The following IGSF1 variants were observed in gnomAD, a reference collection of about 807,000 sequenced individuals.
IGSF1 encodes the protein immunoglobulin superfamily member 1.
In IGSF1, 40 loss-of-function variants were observed where a neutral mutation model predicts 95.3. The observed-to-expected ratio is 0.42, with a 90% CI of 0.33 to 0.55. The LOEUF is 0.55. Among genes scored for constraint, IGSF1 ranks in the 20% least tolerant of loss-of-function variants. The pLI, the probability that IGSF1 is intolerant of heterozygous loss-of-function variation, is 0.10. For missense variants in IGSF1, 906 were observed against 1,025.4 expected (o/e 0.88, Z 1.59); for synonymous variants, 372 against 382.9 (o/e 0.97, Z 0.33).
Position 131,278,049 on chromosome X carries a change from G to T in IGSF1, c.2127C>A (p.Gly709=). 8.3e-7 allele frequency: 1 copy of T among 1,210,225 alleles called. No homozygotes were observed. The highest frequency in any genetic ancestry group is 1.1e-6 in the Non-Finnish European group (1 of 894,127). The change falls in exon 13 of 20, where the codon GGC becomes GGA. Residue 709 remains glycine (G), a synonymous_variant. Transcript: ENST00000361420. ...CCTCCTTATACAGAGCAAACCCCAT[G>T]CCTGCCAGCCATCCTTTGCACCGGA... ...LQLRCKGWLA[G]MGFALYKEGE...
Position 131,276,434 on chromosome X carries a change from CATTT to C in IGSF1, c.2609-190_2609-187del, listed in dbSNP as rs10528865. On this transcript the variant is annotated intron_variant, in intron 14 of 19. Coordinates refer to ENST00000361420, the MANE Select transcript of IGSF1 (RefSeq NM_001555.5). ...ATAAATATTTTTAATATTTAATTGC[CATTT>C]ATTCTTTCCATATATTCCCATGTCC... is the stretch of plus-strand genomic sequence containing the variant. Among the ~76,000 whole-genome samples, 38,115 of 110,360 alleles carry C rather than the reference CATTT, an allele frequency of 0.35. 5,093 individuals are homozygous for C. Among genetic ancestry groups the C allele is most frequent in the African/African-American group, 0.41 (12,335 of 30,237 alleles).
At position 131,281,831 on chromosome X, in the gene IGSF1, A is replaced by G; in HGVS notation, c.1360T>C (p.Trp454Arg). 1 of 1,210,342 alleles carries G rather than the reference A, an allele frequency of 8.3e-7. No homozygotes were observed. The highest frequency in any genetic ancestry group is 1.1e-6 in the Non-Finnish European group (1 of 894,455). ...TTTTGGAATGTTTCTCTTTCTTCCC[A>G]TTCCAGAGAAAATTCCAGTACTGGA... ...SHPVLEFSLEWEERETFQKFS... is the reference protein window; with the variant it reads ...SHPVLEFSLEREERETFQKFS... The change falls in exon 8 of 20, where the codon TGG (tryptophan) becomes CGG (arginine). Residue 454 changes from tryptophan (W) to arginine (R), a missense_variant. This residue lies in a region of IGSF1 where 442 missense variants were observed against 448.1 expected (regional missense o/e 0.99). Transcript: ENST00000361420.
At chrX:131,277,824 C>G in intron 13 of IGSF1, 32 bp downstream of exon 13, 2 of 1,188,420 alleles carry the variant, frequency 1.7e-6, no homozygotes, top group South Asian at 3.6e-5. Context: ...TCCACCCTGC[C>G]CCCTTTCCTC....
Position 131,281,885 on chromosome X carries a change from C to T in IGSF1, c.1306G>A (p.Ala436Thr), listed in dbSNP as rs192621234. 1.7e-6 allele frequency: 2 copies of T among 1,208,396 alleles called. No homozygotes were observed. The highest frequency in any genetic ancestry group is 1.8e-5 in the African/African-American group (1 of 56,903). The part of the protein sequence containing the change: ...WPSTVFKLGK[A>T]ITLQCRVSHP... Reference sequence around the variant, plus strand: ...GATACTCGGCACTGAAGGGTGATGGCCTTTCCTAGCTTGAACACAGTGCTT... The same window carrying T: ...GATACTCGGCACTGAAGGGTGATGGTCTTTCCTAGCTTGAACACAGTGCTT... The change falls in exon 8 of 20, where the codon GCC becomes ACC. Residue 436 changes from alanine to threonine, a missense_variant. By Grantham distance (58) the Ala-to-Thr change is moderately conservative (BLOSUM62 0). Around this residue, in one of 5 missense-constraint regions of IGSF1, gnomAD observed 442 missense variants for 448.1 expected, o/e 0.99. Transcript: ENST00000361420.
Position 131,276,161 on chromosome X carries a change from A to G in IGSF1, c.2696T>C (p.Phe899Ser). ...CAAGAGGGCGAACCTCATGCCCTGG[A>G]AAGTCCCTTGGCAGCGCAGGATCAC... ...KSVILRCQGTFQGMRFALLQE... is the reference protein window; with the variant it reads ...KSVILRCQGTSQGMRFALLQE... Residue 899 changes from phenylalanine (F) to serine (S), a missense_variant, in exon 15 of 20, where the codon TTC (phenylalanine) becomes TCC (serine). Physicochemically the swap from Phe to Ser is radical, Grantham distance 155. Transcript: ENST00000361420. 1.7e-6 allele frequency: 2 copies of G among 1,210,221 alleles called. No individual in the cohort carries two copies. Among genetic ancestry groups the G allele is most frequent in the Non-Finnish European group, 2.2e-6 (2 of 894,467 alleles).
chrX:131,279,049 C>G (rs753720462), intron 11 of IGSF1, 94 bp downstream of exon 11: 2 of 956,272 alleles, frequency 2.1e-6, no homozygotes, highest in Non-Finnish European at 3.0e-6. Context: ...CCTTCCCTCC[C>G]AACCAGCCAC....
rs1312865529 is a variant in IGSF1, at chrX:131,276,125, G to A, written c.2732C>T (p.Ala911Val). The A allele has an allele frequency of 5.9e-5, 71 of 1,209,119 alleles. No homozygotes were observed. The highest frequency in any genetic ancestry group is 7.7e-5 in the Non-Finnish European group (69 of 894,734). ...GMRFALLQEG[A>V]HVPLQFRSVS... is the part of the protein sequence containing the mutation. ...ACTCCGAAACTGTAAGGGAACATGG[G>A]CTCCCTCCTGCAAGAGGGCGAACCT... Residue 911 changes from alanine (A) to valine (V), a missense_variant, in exon 15 of 20, where the codon GCC (alanine) becomes GTC (valine). Physicochemically the swap from Ala to Val is moderately conservative, Grantham distance 64. This residue lies in a region of IGSF1 where 411 missense variants were observed against 494.9 expected (regional missense o/e 0.83). Transcript: ENST00000361420.
chrX:131,275,218 G>T lies in IGSF1; in HGVS notation c.3253C>A (p.Leu1085Ile). ...PMVAPGENMTLQCQGELPDST... is the reference protein window; with the variant it reads ...PMVAPGENMTIQCQGELPDST... ...TCTGGCAGTTCCCCTTGACACTGAA[G>T]AGTCATATTTTCGCCAGGGGCCACC... Residue 1085 changes from leucine to isoleucine, a missense_variant, in exon 17 of 20, where the codon CTT (leucine) becomes ATT (isoleucine). Around this residue, in one of 5 missense-constraint regions of IGSF1, gnomAD observed 411 missense variants for 494.9 expected, o/e 0.83. Transcript: ENST00000361420. 1 of 1,211,275 alleles carries T rather than the reference G, an allele frequency of 8.3e-7. No homozygotes were observed. The highest frequency in any genetic ancestry group is 3.0e-5 in the East Asian group (1 of 33,830).
chrX:131,283,606 T>C (rs1048515965), intron 5 of IGSF1, among the ~76,000 whole-genome samples: 8 of 112,010 alleles, frequency 7.1e-5, no homozygotes, highest in Non-Finnish European at 1.3e-4. Flanking sequence ...GAAAATAACA[T>C]TGTTTTCATC....
Position 131,279,351 on chromosome X carries a change from C to G in IGSF1, c.1647-10G>C. The G allele has an allele frequency of 8.3e-7, 1 of 1,199,206 alleles. No homozygotes were observed. Among genetic ancestry groups the G allele is most frequent in the Non-Finnish European group, 1.1e-6 (1 of 884,399 alleles). Reference sequence around the variant, plus strand: ...CAGCAACCAGGCTTCTCTAGTGAGACCAGAAAAGAGATGAGAGGAGTTGCT... The same window carrying G: ...CAGCAACCAGGCTTCTCTAGTGAGAGCAGAAAAGAGATGAGAGGAGTTGCT... On this transcript the variant is annotated splice_polypyrimidine_tract_variant and intron_variant, in intron 9 of 19. Transcript: ENST00000361420.
At chrX:131,278,780 C>T (rs2080512589) in intron 11 of IGSF1, 29 bp from the exon 12 acceptor site, 5 of 1,165,267 alleles carry the variant, frequency 4.3e-6, no homozygotes. Flanking sequence ...ATGAAGCCAT[C>T]CTCCCGCCTC....
intron 14 of IGSF1, among the ~76,000 whole-genome samples, chrX:131,276,507 CAGTTGTGT>C (rs1220648542): frequency 1.8e-5 from 2 of 111,664 alleles, no homozygotes; most frequent in African/African-American, 6.5e-5. Context: ...CACTTATGCA[CAGTTGTGT>C]AGTTGTGTAG....
At chrX:131,284,670 A>T in intron 5 of IGSF1, 1 of 750,453 alleles carries the variant, frequency 1.3e-6, no homozygotes, top group Non-Finnish European at 1.6e-6. Flanking sequence ...AACCAAGGTG[A>T]TTTATAAAGC....
At position 131,286,686 on chromosome X, in the gene IGSF1, T is replaced by G. The variant is rs1213386624; in HGVS notation, c.-12A>C. 2 of 1,148,788 alleles carry G rather than the reference T, an allele frequency of 1.7e-6. No individual in the cohort carries two copies. The highest frequency in any genetic ancestry group is 3.1e-5 in the Admixed American group (1 of 32,177). The allele number at this position is 1,148,788 out of a possible 1,213,427, so 94.7% of individuals were successfully genotyped here. ...CTGTCCAGGGTCATGGGGCCTCTGG[T>G]GCTGGCTGTGTGCTCTGAGTCTTGA... On this transcript the variant is annotated 5_prime_UTR_variant, in exon 2 of 20. Transcript: ENST00000361420.
intron 10 of IGSF1, 42 bp from the exon 11 acceptor site, chrX:131,279,217 C>G (rs751056666): frequency 6.6e-6 from 8 of 1,207,685 alleles, no homozygotes; most frequent in African/African-American, 3.5e-5. Flanking sequence ...CCCTCCCCCA[C>G]CGGGACTTCA....
Position 131,285,993 on chromosome X carries a change from C to G in IGSF1, c.153G>C (p.Trp51Cys), listed in dbSNP as rs143455309. 1.7e-6 allele frequency: 2 copies of G among 1,208,041 alleles called. No individual in the cohort carries two copies. Among genetic ancestry groups the G allele is most frequent in the African/African-American group, 3.5e-5 (2 of 56,955 alleles). The change falls in exon 4 of 20, where the codon TGG (tryptophan) becomes TGC (cysteine). Residue 51 changes from tryptophan (W) to cysteine (C), a missense_variant. Transcript: ENST00000361420. ...TTCGGCACCAAAGCGTGATGTTCTC[C>G]CAAGGGGCCTGGGGGTAGTTGGACT... ...WIESNYPQAP[W>C]ENITLWCRSP... is the part of the protein sequence containing the mutation.
In IGSF1 at chrX:131,286,058, C is replaced by A; in HGVS notation, c.98-10G>T. 8.5e-7 allele frequency: 1 copy of A among 1,180,388 alleles called. No homozygotes were observed. The highest frequency in any genetic ancestry group is 2.3e-5 in the Admixed American group (1 of 43,583). On this transcript the variant is annotated splice_polypyrimidine_tract_variant and intron_variant, in intron 3 of 19. Coordinates refer to ENST00000361420, the MANE Select transcript of IGSF1 (RefSeq NM_001555.5). ...GGTTGAGGGTCCATCACTGTTATTC[C>A]CAAAGATCAAAAAGATATGAGCAGT...
intron 3 of IGSF1, 86 bp downstream of exon 3, chrX:131,286,351 A>G: frequency 1.2e-6 from 1 of 819,522 alleles, no homozygotes; most frequent in Non-Finnish European, 1.8e-6. Flanking sequence ...CTGGAATCTC[A>G]AGGCATTATG....
rs1385342991 is a variant in IGSF1 at position 131,286,756 on chromosome X, G to A, written c.-67-15C>T. 1 of 847,155 alleles carries A rather than the reference G, an allele frequency of 1.2e-6. No homozygotes were observed. Among genetic ancestry groups the A allele is most frequent in the Non-Finnish European group, 1.6e-6 (1 of 615,284 alleles). The allele number at this position is 847,155 out of a possible 1,213,427, so 69.8% of individuals were successfully genotyped here. A position where few individuals can be genotyped will look rare whatever the true frequency, so the allele number is the denominator to read the frequency against. On this transcript the variant is annotated splice_polypyrimidine_tract_variant and intron_variant, in intron 1 of 19. Coordinates refer to ENST00000361420, the MANE Select transcript of IGSF1 (RefSeq NM_001555.5). ...GGTGGTGGGATCTAAAAGCAGAATT[G>A]TTTTTACTCAGAGGACTTGTCCTGC...
Sources: allele counts gnomAD v4.1 joint callset (sites outside exome capture counted in the v4.1 genomes callset), GRCh38; gene constraint gnomAD v4.1.1; regional missense constraint gnomAD v4.1.1; transcripts MANE v1.5; gene names NCBI Gene and HGNC (gene_info 2026-07-23, HGNC 2026-07-21).